Variants in MAP3K5 observed in about 807,000 individuals in gnomAD.
The protein encoded by MAP3K5 is ASK-1.
Under a neutral mutation model 158.7 loss-of-function variants are expected in MAP3K5, and 56 were observed. The ratio of observed to expected loss-of-function variants is 0.35; its 90% CI spans 0.28 to 0.44. MAP3K5 has a LOEUF of 0.44. MAP3K5 is among the 20% of genes least tolerant of loss of function. The probability of loss-of-function intolerance (pLI) is 1.00; values close to 1 mark genes in which losing one functional copy is unlikely to be tolerated. For synonymous variants in MAP3K5, 579 were observed against 601.7 expected, an observed-to-expected ratio of 0.96 and a Z score of 0.55; for missense variants, 1,294 against 1,674.8, an observed-to-expected ratio of 0.77 and a Z score of 3.97.
chr6:136,582,236 G>A (rs1774914926), intron 24 of MAP3K5, among the ~76,000 whole-genome samples: 1 of 151,622 alleles, frequency 6.6e-6, no homozygotes, highest in East Asian at 1.9e-4. Context: ...GCAAGAGCAG[G>A]CGTGTATGTG....
At chr6:136,650,751 T>C (rs193283951) in intron 11 of MAP3K5, among the ~76,000 whole-genome samples, 1 of 152,374 alleles carries the variant, frequency 6.6e-6, no homozygotes, top group Non-Finnish European at 1.5e-5. Flanking sequence ...TGGATGGTTA[T>C]GCCATCTATA....
intron 14 of MAP3K5, among the ~76,000 whole-genome samples, chr6:136,630,554 T>C (rs1471965379): frequency 6.6e-6 from 1 of 152,190 alleles, no homozygotes; most frequent in Non-Finnish European, 1.5e-5. Context: ...TTTGCGGACA[T>C]AAGCAATGCC....
chr6:136,628,117 C>CTT (rs398066307), intron 14 of MAP3K5, among the ~76,000 whole-genome samples: 1 of 144,980 alleles, frequency 6.9e-6, no homozygotes, highest in African/African-American at 2.5e-5. Context: ...ATATTTAAAT[C>CTT]TTTTTTTTTT....
chr6:136,739,618 T>C (rs1470638239), intron 1 of MAP3K5, among the ~76,000 whole-genome samples: 2 of 152,122 alleles, frequency 1.3e-5, no homozygotes, highest in African/African-American at 2.4e-5. Context: ...CTTAAAAAAG[T>C]CTGTAGTTAA....
chr6:136,743,466 CA>C (rs931966205), intron 1 of MAP3K5, among the ~76,000 whole-genome samples: 3 of 148,248 alleles, frequency 2.0e-5, no homozygotes, highest in Admixed American at 1.3e-4. Flanking sequence ...AAAACAAAAA[CA>C]AAAAAAAAAT....
intron 2 of MAP3K5, among the ~76,000 whole-genome samples, chr6:136,710,258 A>G (rs1781252645): frequency 6.6e-6 from 1 of 152,226 alleles, no homozygotes; most frequent in African/African-American, 2.4e-5. Context: ...ACATCAGCTC[A>G]TGGAAATTTT....
At chr6:136,745,867 C>G (rs372177937) in intron 1 of MAP3K5, among the ~76,000 whole-genome samples, 27 of 152,252 alleles carry the variant, frequency 1.8e-4, no homozygotes, top group Admixed American at 9.2e-4. Flanking sequence ...TAGCATAACC[C>G]AGAGATTTCT....
chr6:136,754,159 G>A (rs2114935448), intron 1 of MAP3K5, among the ~76,000 whole-genome samples: 1 of 152,164 alleles, frequency 6.6e-6, no homozygotes, highest in African/African-American at 2.4e-5. Flanking sequence ...TGTAATCCCA[G>A]CTATTCAGGA....
chr6:136,634,758 G>C (rs957988953), intron 14 of MAP3K5, among the ~76,000 whole-genome samples: 2 of 151,294 alleles, frequency 1.3e-5, no homozygotes, highest in East Asian at 3.9e-4. Context: ...GTAGAGACAG[G>C]GTTTCACCAT....
intron 25 of MAP3K5, among the ~76,000 whole-genome samples, chr6:136,571,374 G>A (rs1213520074): frequency 6.6e-6 from 1 of 152,148 alleles, no homozygotes; most frequent in Non-Finnish European, 1.5e-5. Flanking sequence ...TCAGCGGCAG[G>A]AGTAATACAG....
chr6:136,558,804 G>A lies in MAP3K5; in HGVS notation c.4060C>T (p.Leu1354=). Residue 1354 remains leucine (L), a synonymous_variant, in exon 29 of 30, where the codon CTA becomes TTA. Transcript: ENST00000359015. ...CAACAGAAAGAAAAGTGGTACCTTA[G>A]TCTCAAGCATTTTAAGTCATCACGT... ...VTRDDLKCLR[L]RGGMLCTLWK... is the part of the protein sequence containing the mutation. 1 of 1,586,366 alleles carries A rather than the reference G, an allele frequency of 6.3e-7. No homozygotes were observed. The highest frequency in any genetic ancestry group is 1.1e-5 in the South Asian group (1 of 90,140).
chr6:136,568,761 G>A (rs1412765414), intron 25 of MAP3K5, among the ~76,000 whole-genome samples: 6 of 150,870 alleles, frequency 4.0e-5, no homozygotes, highest in African/African-American at 1.2e-4. Context: ...GGGAGGCTGA[G>A]GTAGGAGAAT....
chr6:136,643,156 C>G (rs1425710055), intron 11 of MAP3K5, among the ~76,000 whole-genome samples: 1 of 152,028 alleles, frequency 6.6e-6, no homozygotes, highest in East Asian at 1.9e-4. Context: ...GTATGAACAT[C>G]AAAAATTTGA....
At chr6:136,729,733 G>T (rs1184608780) in intron 1 of MAP3K5, among the ~76,000 whole-genome samples, 1 of 152,188 alleles carries the variant, frequency 6.6e-6, no homozygotes, top group African/African-American at 2.4e-5. Flanking sequence ...CTTCGCTTTG[G>T]AAAGATAAAG....
chr6:136,649,689 G>T (rs1357111552), intron 11 of MAP3K5, among the ~76,000 whole-genome samples: 1 of 152,174 alleles, frequency 6.6e-6, no homozygotes, highest in South Asian at 2.1e-4. Flanking sequence ...TCAAAGTTAG[G>T]ATTTAGTCCA....
At chr6:136,607,336 TCAA>T (rs200604143) in intron 18 of MAP3K5, among the ~76,000 whole-genome samples, 1,845 of 152,290 alleles carry the variant, frequency 0.012, 41 homozygotes, top group African/African-American at 0.042. Context: ...TCAAGTAATG[TCAA>T]CAACAAATTA....
At chr6:136,664,971 G>A (rs950495353) in intron 8 of MAP3K5, among the ~76,000 whole-genome samples, 1 of 151,982 alleles carries the variant, frequency 6.6e-6, no homozygotes, top group East Asian at 1.9e-4. Flanking sequence ...AAGAGCTGCT[G>A]TACACTTCAC....
At chr6:136,580,163 T>C (rs958510213) in intron 25 of MAP3K5, 138 bp downstream of exon 25, 12 of 606,112 alleles carry the variant, frequency 2.0e-5, no homozygotes, top group Non-Finnish European at 3.5e-5. Flanking sequence ...ATGTACTATT[T>C]GGTGATGTTG....
chr6:136,680,069 C>A (rs1583405546), intron 7 of MAP3K5, among the ~76,000 whole-genome samples: 1 of 152,034 alleles, frequency 6.6e-6, no homozygotes, highest in Admixed American at 6.6e-5. Context: ...CACACACACA[C>A]ACAAAACCCA....
Sources: gnomAD v4.1 joint callset for allele counts (sites outside exome capture counted in the v4.1 genomes callset) on GRCh38, gnomAD v4.1.1 for gene constraint, MANE v1.5 for transcripts, NCBI Gene and HGNC (gene_info 2026-07-23, HGNC 2026-07-21) for gene names.